GRID1: variants seen among roughly 807,000 people sequenced by gnomAD.
GRID1 encodes glutamate receptor ionotropic, delta-1.
A neutral mutation model predicts 98.0 loss-of-function variants in GRID1; 28 were observed. The observed-to-expected ratio is 0.29, with a 90% confidence interval of 0.21 to 0.39. GRID1 has a LOEUF of 0.39. Ranked by LOEUF, GRID1 falls within the 10% of genes least tolerant of loss-of-function variation. The pLI is 1.00. For missense variants in GRID1, 1,111 were observed against 1,340.5 expected (o/e 0.83, Z 2.67); for synonymous variants, 553 against 538.5 (o/e 1.03, Z -0.37).
intron 2 of GRID1, among the ~76,000 whole-genome samples, chr10:86,239,875 C>T (rs973822259): frequency 8.5e-5 from 13 of 152,080 alleles, no homozygotes; most frequent in Non-Finnish European, 1.2e-4. Context: ...TGAGAATGAT[C>T]AAATGCAGGG....
At chr10:85,823,524 T>G (rs897840763) in intron 8 of GRID1, among the ~76,000 whole-genome samples, 2 of 152,088 alleles carry the variant, frequency 1.3e-5, no homozygotes, top group Admixed American at 6.5e-5. Context: ...AGCTCCAATG[T>G]GTATAATTAG....
chr10:85,812,151 T>C (rs932828266), intron 8 of GRID1, among the ~76,000 whole-genome samples: 1 of 152,134 alleles, frequency 6.6e-6, no homozygotes, highest in African/African-American at 2.4e-5. Context: ...AAGCAAAAAC[T>C]ACAGGAATGA....
intron 13 of GRID1, 148 bp downstream of exon 13, chr10:85,647,054 A>C (rs536340683): frequency 2.9e-6 from 2 of 685,922 alleles, no homozygotes; most frequent in East Asian, 5.0e-5. Context: ...CTGAAAGGGC[A>C]TCCACCTAAA....
At chr10:85,743,523 GCTTTGAGACTGTGT>G (rs1337983328) in intron 8 of GRID1, among the ~76,000 whole-genome samples, 1 of 152,172 alleles carries the variant, frequency 6.6e-6, no homozygotes, top group Non-Finnish European at 1.5e-5. Flanking sequence ...TGTGGAATTG[GCTTTGAGACTGTGT>G]CTAGGAAGGA....
intron 5 of GRID1, among the ~76,000 whole-genome samples, chr10:85,889,277 T>C (rs1024305918): frequency 1.3e-5 from 2 of 152,150 alleles, no homozygotes; most frequent in African/African-American, 4.8e-5. Flanking sequence ...AATGTGGAAA[T>C]AGGCCCAGAA....
chr10:85,845,343 C>A (rs1192422010), intron 8 of GRID1, among the ~76,000 whole-genome samples: 1 of 151,902 alleles, frequency 6.6e-6, no homozygotes, highest in Admixed American at 6.6e-5. Flanking sequence ...AGGAATAAAT[C>A]AAACAAAAGT....
intron 13 of GRID1, among the ~76,000 whole-genome samples, chr10:85,621,212 A>G (rs1377944102): frequency 6.6e-6 from 1 of 152,086 alleles, no homozygotes; most frequent in East Asian, 1.9e-4. Context: ...GCACACAGAC[A>G]CCCCTTTGCC....
At chr10:86,211,680 C>T (rs1846109902) in intron 2 of GRID1, among the ~76,000 whole-genome samples, 1 of 152,060 alleles carries the variant, frequency 6.6e-6, no homozygotes, top group Admixed American at 6.5e-5. Context: ...AACTCTCACC[C>T]CAGGTGAGCT....
chr10:85,926,985 C>T (rs1055612131), intron 4 of GRID1, among the ~76,000 whole-genome samples: 3 of 152,214 alleles, frequency 2.0e-5, no homozygotes, highest in South Asian at 4.1e-4. Context: ...CTCTACAGCC[C>T]TCAATTAGCT....
At chr10:85,708,448 C>T (rs952668514) in intron 12 of GRID1, among the ~76,000 whole-genome samples, 2 of 151,108 alleles carry the variant, frequency 1.3e-5, no homozygotes, top group African/African-American at 2.4e-5. Flanking sequence ...ATCAGAAATA[C>T]AATACATGCT....
chr10:85,910,142 G>T (rs765441633), intron 5 of GRID1, among the ~76,000 whole-genome samples: 1 of 152,114 alleles, frequency 6.6e-6, no homozygotes, highest in Non-Finnish European at 1.5e-5. Context: ...TATGACAAAC[G>T]TAATTGTTTT....
At chr10:86,086,271 G>A (rs758848398) in intron 4 of GRID1, among the ~76,000 whole-genome samples, 65 of 152,140 alleles carry the variant, frequency 4.3e-4, no homozygotes, top group Non-Finnish European at 7.5e-4. Context: ...GTGGTTCCAT[G>A]AGGGCTGGGG....
intron 8 of GRID1, among the ~76,000 whole-genome samples, chr10:85,736,190 GGGAA>G (rs148221890): frequency 0.024 from 3,079 of 126,588 alleles, 120 homozygotes; most frequent in African/African-American, 0.087. Flanking sequence ...GAAGGAAGGA[GGGAA>G]GGAAGGAAGG....
At chr10:86,075,858 T>C (rs1843873660) in intron 4 of GRID1, among the ~76,000 whole-genome samples, 1 of 152,156 alleles carries the variant, frequency 6.6e-6, no homozygotes, top group Admixed American at 6.5e-5. Context: ...AAGGGCACCA[T>C]AGGGCAGCTA....
At chr10:85,784,801 G>A (rs556031038) in intron 8 of GRID1, among the ~76,000 whole-genome samples, 10 of 152,288 alleles carry the variant, frequency 6.6e-5, no homozygotes, top group Non-Finnish European at 1.3e-4. Context: ...CTATGTGAGC[G>A]AAAATAAATG....
At chr10:85,702,804 G>C (rs1841467447) in intron 12 of GRID1, among the ~76,000 whole-genome samples, 2 of 151,404 alleles carry the variant, frequency 1.3e-5, no homozygotes, top group Middle Eastern at 3.2e-3. Context: ...AAGTGGAAAA[G>C]GAAGGGGAGG....
intron 13 of GRID1, among the ~76,000 whole-genome samples, chr10:85,627,745 G>T (rs1406165328): frequency 6.6e-6 from 1 of 152,152 alleles, no homozygotes; most frequent in Non-Finnish European, 1.5e-5. Context: ...GCTAAGAATT[G>T]TTTCCTAAAA....
intron 4 of GRID1, among the ~76,000 whole-genome samples, chr10:86,096,263 G>A (rs1222400397): frequency 1.3e-5 from 2 of 152,058 alleles, no homozygotes; most frequent in African/African-American, 4.8e-5. Context: ...TGGATGATGG[G>A]TGCACCAAAA....
chr10:86,133,947 T>G (rs935932321), intron 4 of GRID1, among the ~76,000 whole-genome samples: 1 of 152,220 alleles, frequency 6.6e-6, no homozygotes, highest in African/African-American at 2.4e-5. Context: ...CATTTAATTT[T>G]TCCACTCTTT....
Sources: allele counts gnomAD v4.1 joint callset (sites outside exome capture counted in the v4.1 genomes callset), GRCh38; gene constraint gnomAD v4.1.1; transcripts MANE v1.5; gene names NCBI Gene and HGNC (gene_info 2026-07-23, HGNC 2026-07-21).